CCDC158: variants seen among roughly 807,000 people sequenced by gnomAD.
CCDC158 encodes the protein coiled-coil domain containing 158, also known as coiled-coil domain-containing protein 158.
CCDC158 carries 116 observed loss-of-function variants against 138.6 expected under a neutral mutation model. That is an observed-to-expected ratio of 0.84 (90% confidence interval 0.72 to 0.98). CCDC158 has a LOEUF of 0.98. Ranked by LOEUF, CCDC158 falls within the 50% of genes least tolerant of loss-of-function variation. The pLI, the probability that CCDC158 is intolerant of heterozygous loss-of-function variation, is 0.00. For missense variants in CCDC158, 1,265 were observed against 1,306.1 expected, an observed-to-expected ratio of 0.97 and a Z score of 0.48; for synonymous variants, 436 against 442.4, an observed-to-expected ratio of 0.99 and a Z score of 0.18.
At position 76,325,942 on chromosome 4, in the gene CCDC158, G is replaced by C. The variant is rs1720488836; in HGVS notation, c.3084C>G (p.Leu1028=). 1.2e-6 allele frequency: 2 copies of C among 1,613,532 alleles called. No homozygotes were observed. Among genetic ancestry groups the C allele is most frequent in the Non-Finnish European group, 1.7e-6 (2 of 1,179,494 alleles). Residue 1028 remains leucine (L), a synonymous_variant, in exon 23 of 25, where the codon CTC becomes CTG. Coordinates refer to ENST00000682701, the MANE Select transcript of CCDC158 (RefSeq NM_001394954.1). ...SSPKKSPVHS[L]LTSSVEGSIG... ...TTGAACCTTCAACTGAACTAGTTAG[G>C]AGTGAGTGCACTGGAGACTTCTTAG... is the stretch of plus-strand genomic sequence containing the variant.
chr4:76,393,932 TC>T (rs1028596855), intron 4 of CCDC158, among the ~76,000 whole-genome samples: 5 of 151,982 alleles, frequency 3.3e-5, no homozygotes, highest in Non-Finnish European at 7.4e-5. Context: ...CAATGAGATA[TC>T]AACTCACCCC....
intron 12 of CCDC158, 24 bp from the exon 13 acceptor site, chr4:76,362,339 G>GGTTA: frequency 6.5e-7 from 1 of 1,548,048 alleles, no homozygotes; most frequent in African/African-American, 1.4e-5. Context: ...TAAATACAAA[G>GGTTA]GATAGAGAAG....
rs1207230984 is a variant in CCDC158, at chr4:76,319,055, G to A, written c.3277+4247C>T. 2.6e-5 allele frequency among the ~76,000 whole-genome samples: 4 copies of A among 152,056 alleles called. No homozygotes were observed. The East Asian group carries it at 5.8e-4, about 22-fold the overall frequency. ...TAGGAGGCTGGGGTGGGCAGATCTTGAGGTCAGGAGATGAAGACCATCCTG... is the reference window on the plus strand; with the variant it reads ...TAGGAGGCTGGGGTGGGCAGATCTTAAGGTCAGGAGATGAAGACCATCCTG... On this transcript the variant is annotated intron_variant, in intron 24 of 24. Transcript: ENST00000682701.
At chr4:76,371,264 G>A (rs1180772865) in intron 10 of CCDC158, among the ~76,000 whole-genome samples, 153 bp downstream of exon 10, 1 of 152,154 alleles carries the variant, frequency 6.6e-6, no homozygotes, top group Non-Finnish European at 1.5e-5. Flanking sequence ...TATTTTATAT[G>A]CAAAACTTGA....
At chr4:76,336,199 A>C (rs985389139) in intron 18 of CCDC158, among the ~76,000 whole-genome samples, 7 of 150,770 alleles carry the variant, frequency 4.6e-5, no homozygotes, top group South Asian at 2.1e-4. Context: ...AAAAAAAAAA[A>C]AAAAAAAAAA....
chr4:76,315,192 A>G (rs1211801223), intron 24 of CCDC158, among the ~76,000 whole-genome samples: 1 of 152,124 alleles, frequency 6.6e-6, no homozygotes, highest in Non-Finnish European at 1.5e-5. Context: ...GGCAGCCAAA[A>G]TCACCTCTGG....
intron 8 of CCDC158, among the ~76,000 whole-genome samples, chr4:76,381,796 C>T (rs1011371177): frequency 3.3e-5 from 5 of 152,182 alleles, no homozygotes; most frequent in African/African-American, 9.7e-5. Context: ...ATTCTCCTGC[C>T]TCAGCCTCCT....
intron 4 of CCDC158, among the ~76,000 whole-genome samples, chr4:76,388,106 G>T (rs151102231): frequency 3.9e-5 from 6 of 152,152 alleles, no homozygotes; most frequent in Admixed American, 3.9e-4. Context: ...TGGGCCTTGG[G>T]CTCTGAGATG....
At chr4:76,398,017 T>C (rs1727986387) in intron 3 of CCDC158, among the ~76,000 whole-genome samples, 1 of 152,164 alleles carries the variant, frequency 6.6e-6, no homozygotes, top group Non-Finnish European at 1.5e-5. Flanking sequence ...TTTAAGGAGC[T>C]GGTCAAATTT....
rs778819264 is a variant in CCDC158, at chr4:76,334,179, C to T, written c.2665-12G>A. The stretch of plus-strand genomic sequence containing the variant: ...GCTTTTGTAGAGTGCTGAGTTAAAA[C>T]AATTTACAAAGACACTTATTTTTTC... On this transcript the variant is annotated splice_polypyrimidine_tract_variant and intron_variant, in intron 18 of 24. Coordinates refer to ENST00000682701, the MANE Select transcript of CCDC158 (RefSeq NM_001394954.1). 10 of 1,527,022 alleles carry T rather than the reference C, an allele frequency of 6.5e-6. No individual in the cohort carries two copies. In the African/African-American group the frequency reaches 1.1e-4, roughly 17 times the overall value. 94.6% of individuals were successfully genotyped at this position (1,527,022 alleles called of 1,614,324 possible).
chr4:76,325,496 A>G (rs932579389), intron 23 of CCDC158, among the ~76,000 whole-genome samples: 1 of 152,222 alleles, frequency 6.6e-6, no homozygotes, highest in Non-Finnish European at 1.5e-5. Context: ...ACTTATACTC[A>G]CTAAGGCAGA....
intron 9 of CCDC158, among the ~76,000 whole-genome samples, chr4:76,374,448 C>T (rs891482315): frequency 1.3e-5 from 2 of 152,134 alleles, no homozygotes; most frequent in African/African-American, 2.4e-5. Context: ...TATGATCAGG[C>T]GAAGAGCCAA....
rs75094648 is a variant in CCDC158 at position 76,350,952 on chromosome 4, C to T, written c.2664+44G>A. 2.1e-3 allele frequency: 3,220 copies of T among 1,569,600 alleles called. 116 individuals are homozygous for T. The East Asian group carries it at 0.058, about 28-fold the overall frequency. ...ATTCTTTCCAATTTAAAATTACTTA[C>T]GCATATGTCATTTGCGTAATGGATC... On this transcript the variant is annotated intron_variant, in intron 18 of 24. Coordinates refer to ENST00000682701, the MANE Select transcript of CCDC158 (RefSeq NM_001394954.1).
chr4:76,385,671 C>G (rs1726716008), intron 4 of CCDC158, among the ~76,000 whole-genome samples: 1 of 151,410 alleles, frequency 6.6e-6, no homozygotes, highest in Non-Finnish European at 1.5e-5. Flanking sequence ...TTTGGAAAGA[C>G]AGAACTGAAA....
intron 3 of CCDC158, among the ~76,000 whole-genome samples, chr4:76,399,951 T>G (rs897792540): frequency 6.6e-6 from 1 of 152,060 alleles, no homozygotes; most frequent in African/African-American, 2.4e-5. Context: ...GAAGGAGGCA[T>G]GGACTGTGAA....
At chr4:76,415,050 G>A (rs13104972) in intron 1 of CCDC158, among the ~76,000 whole-genome samples, 95,473 of 151,996 alleles carry the variant, frequency 0.63, 30,464 homozygotes, top group East Asian at 0.8. Context: ...TTTGCCCAAG[G>A]TGCCAATAAC....
At chr4:76,406,348 G>A (rs780703890) in intron 2 of CCDC158, among the ~76,000 whole-genome samples, 3 of 152,098 alleles carry the variant, frequency 2.0e-5, no homozygotes, top group Admixed American at 6.5e-5. Flanking sequence ...CAGAAGATAC[G>A]GTAAGAACTG....
chr4:76,343,936 A>G (rs1722297557), intron 18 of CCDC158, among the ~76,000 whole-genome samples: 1 of 152,292 alleles, frequency 6.6e-6, no homozygotes, highest in Non-Finnish European at 1.5e-5. Context: ...CCCTTTGAAA[A>G]CTGGCACAAG....
intron 18 of CCDC158, among the ~76,000 whole-genome samples, chr4:76,340,709 C>T (rs1290057321): frequency 1.3e-5 from 2 of 152,062 alleles, no homozygotes; most frequent in African/African-American, 4.8e-5. Context: ...AAAACAAGCT[C>T]AGGGACCCCA....
Sources: allele counts gnomAD v4.1 joint callset (sites outside exome capture counted in the v4.1 genomes callset), GRCh38; gene constraint gnomAD v4.1.1; transcripts MANE v1.5; gene names NCBI Gene and HGNC (gene_info 2026-07-23, HGNC 2026-07-21).